CDH4: variants seen among roughly 807,000 people sequenced by gnomAD.
CDH4 encodes cadherin 4, also known as cadherin-4.
A neutral mutation model predicts 86.0 loss-of-function variants in CDH4; 33 were observed. That is an observed-to-expected ratio of 0.38 (90% CI 0.29 to 0.51). The LOEUF is 0.51. Among genes scored for constraint, CDH4 ranks in the 20% least tolerant of loss-of-function variants. CDH4 has a pLI of 0.86. For synonymous variants in CDH4, 555 were observed against 549.4 expected, an observed-to-expected ratio of 1.01 and a Z score of -0.14; for missense variants, 1,114 against 1,307.4, an observed-to-expected ratio of 0.85 and a Z score of 2.28.
intron 2 of CDH4, among the ~76,000 whole-genome samples, chr20:61,383,320 A>C (rs2084919209): frequency 3.8e-5 from 1 of 26,424 alleles, no homozygotes; most frequent in African/African-American, 1.1e-4. Context: ...AATATATGTG[A>C]TATATATGAA....
chr20:61,367,031 C>T (rs1320770727), intron 2 of CDH4, among the ~76,000 whole-genome samples: 1 of 152,186 alleles, frequency 6.6e-6, no homozygotes, highest in Non-Finnish European at 1.5e-5. Flanking sequence ...CCCATCGACC[C>T]CACCCACCCC....
intron 4 of CDH4, among the ~76,000 whole-genome samples, chr20:61,833,958 T>G (rs376904112): frequency 1.8e-4 from 28 of 152,304 alleles, no homozygotes; most frequent in African/African-American, 4.6e-4. Flanking sequence ...GTGGGAGACA[T>G]CCATTCTGGC....
chr20:61,743,884 C>A, intron 3 of CDH4, 95 bp downstream of exon 3: 1 of 917,714 alleles, frequency 1.1e-6, no homozygotes, highest in Non-Finnish European at 1.7e-6. Context: ...TCCCACAGGA[C>A]AGACAGTCAC....
chr20:61,592,805 A>G (rs1366145720), intron 2 of CDH4, among the ~76,000 whole-genome samples: 1 of 152,184 alleles, frequency 6.6e-6, no homozygotes, highest in Non-Finnish European at 1.5e-5. Context: ...CTTTGTTTTT[A>G]TTGCAGAATC....
chr20:61,284,434 G>A (rs17204200), intron 2 of CDH4, among the ~76,000 whole-genome samples: 16,987 of 152,194 alleles, frequency 0.11, 1,007 homozygotes, highest in South Asian at 0.13. Context: ...CTGGGGCATC[G>A]GACATCTCTC....
At position 61,894,906 on chromosome 20, in the gene CDH4, C is replaced by A; in HGVS notation, c.1051-4C>A. On this transcript the variant is annotated splice_region_variant and splice_polypyrimidine_tract_variant and intron_variant, in intron 7 of 15. Coordinates refer to ENST00000614565, the MANE Select transcript of CDH4 (RefSeq NM_001794.5). Reference sequence around the variant, plus strand: ...TTCTTTCTCAACTGGTGTCTCCCTTCCAGAAAGTTCAGCAGTACACAGTCA... The same window carrying A: ...TTCTTTCTCAACTGGTGTCTCCCTTACAGAAAGTTCAGCAGTACACAGTCA... The A allele has an allele frequency of 6.2e-7, 1 of 1,609,562 alleles. No homozygotes were observed. Among genetic ancestry groups the A allele is most frequent in the African/African-American group, 1.3e-5 (1 of 74,902 alleles).
intron 4 of CDH4, among the ~76,000 whole-genome samples, chr20:61,833,576 T>C (rs1372150626): frequency 1.3e-5 from 2 of 151,672 alleles, no homozygotes; most frequent in Admixed American, 1.3e-4. Flanking sequence ...TCAGCCTTCA[T>C]TTATTGACAA....
At chr20:61,661,545 A>G in intron 2 of CDH4, among the ~76,000 whole-genome samples, 1 of 143,146 alleles carries the variant, frequency 7.0e-6, no homozygotes, top group South Asian at 2.2e-4. Flanking sequence ...CTTTTTTAAT[A>G]GCTGGAGGAA....
intron 2 of CDH4, among the ~76,000 whole-genome samples, chr20:61,610,226 C>T (rs2086674542): frequency 6.6e-6 from 1 of 152,166 alleles, no homozygotes. Context: ...CATTTTAGCT[C>T]CCACCTGGGA....
intron 2 of CDH4, among the ~76,000 whole-genome samples, chr20:61,565,099 TG>T: frequency 8.5e-6 from 1 of 117,958 alleles, no homozygotes; most frequent in Non-Finnish European, 1.8e-5. Flanking sequence ...CTCTTGGTGG[TG>T]CTCTTGGTGG....
intron 2 of CDH4, among the ~76,000 whole-genome samples, chr20:61,337,251 ATGATGG>A (rs1213250155): frequency 2.1e-4 from 4 of 18,658 alleles, no homozygotes; most frequent in Non-Finnish European, 5.6e-4. Context: ...GGTGGTGAAG[ATGATGG>A]TGATGGTGAT....
At chr20:61,411,116 T>A (rs2085116792) in intron 2 of CDH4, among the ~76,000 whole-genome samples, 1 of 141,688 alleles carries the variant, frequency 7.1e-6, no homozygotes, top group Admixed American at 6.9e-5. Flanking sequence ...TCATCCGTCT[T>A]TCCTTCCATC....
chr20:61,376,715 C>A (rs986014075), intron 2 of CDH4, among the ~76,000 whole-genome samples: 4 of 152,172 alleles, frequency 2.6e-5, no homozygotes, highest in Non-Finnish European at 4.4e-5. Context: ...CCGTTTTTCC[C>A]ATCTGTCTCA....
chr20:61,494,899 GC>G (rs1365816792), intron 2 of CDH4, among the ~76,000 whole-genome samples: 1 of 152,236 alleles, frequency 6.6e-6, no homozygotes, highest in Non-Finnish European at 1.5e-5. Context: ...AAATGACTGA[GC>G]TGACATTCAT....
intron 2 of CDH4, among the ~76,000 whole-genome samples, chr20:61,310,904 C>T (rs1341930456): frequency 6.6e-6 from 1 of 152,170 alleles, no homozygotes; most frequent in Non-Finnish European, 1.5e-5. Flanking sequence ...GCCTTAATCA[C>T]CACTTCCAAG....
intron 2 of CDH4, among the ~76,000 whole-genome samples, chr20:61,433,637 A>G (rs895229103): frequency 3.9e-5 from 6 of 152,186 alleles, no homozygotes; most frequent in Admixed American, 3.3e-4. Flanking sequence ...CTAGTGCACA[A>G]AAGAAAGTGA....
intron 2 of CDH4, among the ~76,000 whole-genome samples, chr20:61,573,030 TTGGATGGATGGATGGA>T (rs760571002): frequency 2.8e-4 from 40 of 140,446 alleles, no homozygotes; most frequent in South Asian, 1.2e-3. Flanking sequence ...GGATGGATGG[TTGGATGGATGGATGGA>T]TGGATGGATG....
At chr20:61,366,948 A>G (rs900590485) in intron 2 of CDH4, among the ~76,000 whole-genome samples, 2 of 152,044 alleles carry the variant, frequency 1.3e-5, no homozygotes, top group Admixed American at 6.5e-5. Context: ...AGCCCTGGAC[A>G]ACTGGAGCTT....
At chr20:61,833,237 G>A (rs972727223) in intron 4 of CDH4, among the ~76,000 whole-genome samples, 10 of 152,096 alleles carry the variant, frequency 6.6e-5, no homozygotes, top group Non-Finnish European at 8.8e-5. Flanking sequence ...TCCAATGGAC[G>A]AGACCTAAAA....
Sources: gnomAD v4.1 joint callset for allele counts (sites outside exome capture counted in the v4.1 genomes callset) on GRCh38, gnomAD v4.1.1 for gene constraint, MANE v1.5 for transcripts, NCBI Gene and HGNC (gene_info 2026-07-23, HGNC 2026-07-21) for gene names.